Variants in EDRF1 observed in about 807,000 individuals in gnomAD.
EDRF1 encodes erythroid differentiation regulatory factor 1, also known as erythroid differentiation-related factor 1.
EDRF1 carries 69 observed loss-of-function variants against 148.7 expected under a neutral mutation model. That is an observed-to-expected ratio of 0.46 (90% CI 0.38 to 0.57). EDRF1 has a LOEUF of 0.57. Ranked by LOEUF, EDRF1 falls within the 20% of genes least tolerant of loss-of-function variation. The probability of loss-of-function intolerance (pLI) is 0.00; values close to 1 mark genes in which losing one functional copy is unlikely to be tolerated. For missense variants in EDRF1, 1,118 were observed against 1,478.7 expected (o/e 0.76, Z 4.00); for synonymous variants, 515 against 532.8 (o/e 0.97, Z 0.46).
intron 4 of EDRF1, 77 bp downstream of exon 4, chr10:125,724,013 T>C: frequency 1.3e-6 from 2 of 1,548,700 alleles, no homozygotes; most frequent in South Asian, 1.1e-5. Flanking sequence ...TTTCAGAGAA[T>C]GGCCAAAGTG....
intron 5 of EDRF1, 81 bp downstream of exon 5, chr10:125,725,523 A>G: frequency 6.3e-7 from 1 of 1,593,896 alleles, no homozygotes. Context: ...TGAAGTTATA[A>G]TTTAAGTTTT....
chr10:125,729,096 C>T lies in EDRF1; in HGVS notation c.886C>T (p.His296Tyr). 1.3e-6 allele frequency: 2 copies of T among 1,565,044 alleles called. No individual in the cohort carries two copies. The highest frequency in any genetic ancestry group is 1.7e-6 in the Non-Finnish European group (2 of 1,162,138). Residue 296 changes from histidine to tyrosine, a missense_variant, in exon 7 of 25, where the codon CAC (histidine) becomes TAC (tyrosine). This residue lies in a region of EDRF1 where 954 missense variants were observed against 1,241.4 expected (regional missense o/e 0.77). Transcript: ENST00000356792. ...GATTACTTTATTCAATGACGGGGAGCACAGTCAGGTATGCTTTCCATGGTG... is the reference window on the plus strand; with the variant it reads ...GATTACTTTATTCAATGACGGGGAGTACAGTCAGGTATGCTTTCCATGGTG... Reference protein sequence around the residue: ...NLITLFNDGEHSQGLKNDFVR... With the variant: ...NLITLFNDGEYSQGLKNDFVR...
chr10:125,759,965 C>T (rs1252284527), intron 24 of EDRF1, among the ~76,000 whole-genome samples: 1 of 152,242 alleles, frequency 6.6e-6, no homozygotes, highest in Admixed American at 6.5e-5. Flanking sequence ...CTGCCTCAGC[C>T]TCCCAAAGTG....
intron 3 of EDRF1, 71 bp from the exon 4 acceptor site, chr10:125,723,740 C>A: frequency 6.7e-7 from 1 of 1,482,024 alleles, no homozygotes; most frequent in South Asian, 1.2e-5. Context: ...ATGAATGAAG[C>A]TAAAATTTAA....
At chr10:125,740,710 A>C in intron 16 of EDRF1, 59 bp downstream of exon 16, 1 of 1,544,682 alleles carries the variant, frequency 6.5e-7, no homozygotes, top group Admixed American at 1.7e-5. Flanking sequence ...CAGAGAAGGC[A>C]TCTGAATCAC....
chr10:125,749,260 AGAAAG>A, intron 21 of EDRF1, 147 bp from the exon 22 acceptor site: 2 of 854,216 alleles, frequency 2.3e-6, no homozygotes, highest in South Asian at 1.6e-5. Flanking sequence ...AAAAAAAAAA[AGAAAG>A]GAAATGGATT....
At position 125,738,401 on chromosome 10, in the gene EDRF1, G is replaced by A. The variant is rs1848843512; in HGVS notation, c.1937G>A (p.Gly646Asp). ...TATGAAGATGAATCCTCAAGAGGGG[G>A]TCCCGAGGGGCTAGAGAAGCAGATG... ...LKYEDESSRG[G>D]PEGLEKQMAL... Residue 646 changes from glycine to aspartate, a missense_variant, in exon 15 of 25, where the codon GGT (glycine) becomes GAT (aspartate). Physicochemically the swap from Gly to Asp is moderately conservative, Grantham distance 94. Around this residue, in one of 3 missense-constraint regions of EDRF1, gnomAD observed 954 missense variants for 1,241.4 expected, o/e 0.77. Transcript: ENST00000356792. 2 of 1,614,098 alleles carry A rather than the reference G, an allele frequency of 1.2e-6. No homozygotes were observed. The highest frequency in any genetic ancestry group is 1.7e-6 in the Non-Finnish European group (2 of 1,179,994).
chr10:125,741,131 A>G lies in EDRF1; in HGVS notation c.2301A>G (p.Glu767=), dbSNP rs1385917788. The G allele has an allele frequency of 6.2e-7, 1 of 1,614,178 alleles. No individual in the cohort carries two copies. The highest frequency in any genetic ancestry group is 1.1e-5 in the South Asian group (1 of 91,082). The change falls in exon 17 of 25, where the codon GAA becomes GAG. Residue 767 remains glutamate, a synonymous_variant. Coordinates refer to ENST00000356792, the MANE Select transcript of EDRF1 (RefSeq NM_001202438.2). The part of the protein sequence containing the change: ...QNANNRAAHL[E]EFHYQTKEDQ... ...CAAATAATAGAGCAGCACACCTTGAAGAGTTTCATTACCAAACAAAAGAAG... is the reference window on the plus strand; with the variant it reads ...CAAATAATAGAGCAGCACACCTTGAGGAGTTTCATTACCAAACAAAAGAAG...
chr10:125,741,479 G>C (rs994498888), intron 17 of EDRF1: 3 of 421,508 alleles, frequency 7.1e-6, no homozygotes, highest in South Asian at 3.9e-5. Context: ...CACCATGCCC[G>C]GCTAGCCCAC....
chr10:125,733,996 C>T, intron 11 of EDRF1, 76 bp from the exon 12 acceptor site: 1 of 1,201,280 alleles, frequency 8.3e-7, no homozygotes, highest in East Asian at 2.3e-5. Context: ...TGGAAAGAAA[C>T]AAGAGCACTC....
chr10:125,744,634 G>C (rs1246528497), intron 18 of EDRF1: 1 of 152,354 alleles, frequency 6.6e-6, no homozygotes, highest in East Asian at 1.9e-4. Context: ...TAGTCAGGAA[G>C]CTAGGGAAAT....
intron 12 of EDRF1, among the ~76,000 whole-genome samples, chr10:125,735,001 A>G (rs1848656956): frequency 6.6e-6 from 1 of 152,184 alleles, no homozygotes; most frequent in Non-Finnish European, 1.5e-5. Context: ...TTTGTTTCTG[A>G]CTGAAATACC....
chr10:125,729,006 A>G lies in EDRF1; in HGVS notation c.796A>G (p.Ser266Gly), dbSNP rs761633323. The change falls in exon 7 of 25, where the codon AGT becomes GGT. Residue 266 changes from serine to glycine, a missense_variant. Ser to Gly is a moderately conservative substitution (Grantham distance 56, BLOSUM62 0). This residue lies in a region of EDRF1 where 954 missense variants were observed against 1,241.4 expected (regional missense o/e 0.77). Coordinates refer to ENST00000356792, the MANE Select transcript of EDRF1 (RefSeq NM_001202438.2). ...SEDPSASSQG[S>G]EPLEPSYIVG... ...CTTATCCTTGCACTTTTCACAGGGA[A>G]GTGAGCCTCTTGAACCCTCATACAT... is the stretch of plus-strand genomic sequence containing the variant. 1 of 1,576,242 alleles carries G rather than the reference A, an allele frequency of 6.3e-7. No individual in the cohort carries two copies. The highest frequency in any genetic ancestry group is 1.1e-5 in the South Asian group (1 of 87,134).
intron 21 of EDRF1, 80 bp from the exon 22 acceptor site, chr10:125,749,332 G>GA: frequency 6.5e-7 from 1 of 1,543,084 alleles, no homozygotes; most frequent in Non-Finnish European, 9.0e-7. Flanking sequence ...CACAGTGGGG[G>GA]AAAAATAACT....
chr10:125,733,942 A>G, intron 11 of EDRF1, 130 bp from the exon 12 acceptor site: 1 of 907,796 alleles, frequency 1.1e-6, no homozygotes, highest in African/African-American at 1.7e-5. Flanking sequence ...GGTTGTGGGT[A>G]AAGTGTAAAG....
At chr10:125,753,023 A>T in intron 23 of EDRF1, 109 bp downstream of exon 23, 1 of 771,382 alleles carries the variant, frequency 1.3e-6, no homozygotes, top group African/African-American at 1.7e-5. Context: ...ACACACATGT[A>T]CATATGTATG....
Position 125,747,559 on chromosome 10 carries a change from G to A in EDRF1, c.2838G>A (p.Ala946=), listed in dbSNP as rs112296534. ...YNKAIDYYLK[A]LRSLGTRDIH... Reference sequence around the variant, plus strand: ...AGGCTATTGATTACTATTTGAAAGCGCTAAGGTCATTGGGAACACGAGACA... The same window carrying A: ...AGGCTATTGATTACTATTTGAAAGCACTAAGGTCATTGGGAACACGAGACA... Residue 946 remains alanine (A), a synonymous_variant, in exon 20 of 25, where the codon GCG becomes GCA. Transcript: ENST00000356792. 47 of 1,614,022 alleles carry A rather than the reference G, an allele frequency of 2.9e-5. No individual in the cohort carries two copies. In the African/African-American group the frequency reaches 4.1e-4, roughly 14 times the overall value.
intron 22 of EDRF1, among the ~76,000 whole-genome samples, chr10:125,751,610 G>A (rs1289266092): frequency 1.3e-5 from 2 of 152,140 alleles, no homozygotes; most frequent in African/African-American, 4.8e-5. Flanking sequence ...ACTTCTAAAG[G>A]AAGAAGGCAA....
At chr10:125,721,776 T>A (rs1477982107) in intron 2 of EDRF1, among the ~76,000 whole-genome samples, 1 of 152,224 alleles carries the variant, frequency 6.6e-6, no homozygotes, top group Non-Finnish European at 1.5e-5. Flanking sequence ...TTCCTTCATC[T>A]TTCCTGTGGA....
Sources: allele counts gnomAD v4.1 joint callset (sites outside exome capture counted in the v4.1 genomes callset), GRCh38; gene constraint gnomAD v4.1.1; regional missense constraint gnomAD v4.1.1; transcripts MANE v1.5; gene names NCBI Gene and HGNC (gene_info 2026-07-23, HGNC 2026-07-21).